The following ZNF600 variants were observed in gnomAD, a reference collection of about 807,000 sequenced individuals.
ZNF600 encodes the protein zinc finger protein 600.
A neutral mutation model predicts 7.3 loss-of-function variants in ZNF600; 4 were observed. That is an observed-to-expected ratio of 0.55 (90% confidence interval 0.27 to 1.25). ZNF600 has a LOEUF of 1.25. Ranked by LOEUF, ZNF600 falls within the 50% of genes most tolerant of loss-of-function variation. The pLI, the probability that ZNF600 is intolerant of heterozygous loss-of-function variation, is 0.12. For missense variants in ZNF600, 911 were observed against 922.1 expected, an observed-to-expected ratio of 0.99 and a Z score of 0.16; for synonymous variants, 290 against 308.9, an observed-to-expected ratio of 0.94 and a Z score of 0.64.
chr19:52,821,945 T>C, the ZNF600 span, among the ~76,000 whole-genome samples: 19,353 of 151,528 alleles, frequency 0.13, 1,590 homozygotes, highest in African/African-American at 0.22. Context: ...AAAAAAAATT[T>C]GCTTGTGCGA....
the ZNF600 span, among the ~76,000 whole-genome samples, chr19:52,816,085 T>A: frequency 6.8e-6 from 1 of 147,208 alleles, no homozygotes; most frequent in Admixed American, 6.8e-5. Flanking sequence ...GGCTCGCCAG[T>A]GAGGCTGGAA....
intron 3 of ZNF600, among the ~76,000 whole-genome samples, chr19:52,768,678 T>C (rs1169534625): frequency 6.6e-6 from 1 of 152,042 alleles, no homozygotes; most frequent in Non-Finnish European, 1.5e-5. Context: ...CCTGAGTACC[T>C]GGGGTTACAG....
chr19:52,816,261 G>A, the ZNF600 span, among the ~76,000 whole-genome samples: 77,766 of 146,336 alleles, frequency 0.53, 25,628 homozygotes, highest in Non-Finnish European at 0.68. Flanking sequence ...GCTTGCACCT[G>A]TAATCCCAAC....
chr19:52,787,294 G>A (rs191715730), upstream of ZNF600, among the ~76,000 whole-genome samples: 205 of 152,300 alleles, frequency 1.3e-3, no homozygotes, highest in Middle Eastern at 0.01. Flanking sequence ...TACTCAGGAA[G>A]CAGCGGCGGG....
the ZNF600 span, chr19:52,800,377 T>C: frequency 1.5e-5 from 24 of 1,614,054 alleles, no homozygotes; most frequent in African/African-American, 2.7e-5. Flanking sequence ...TTCTCTCCAG[T>C]ATGAATCCTC....
rs2869886 is a variant in ZNF600, at chr19:52,786,803, G to T, written c.-228C>A. ...GCGCGCCCAGGACTGAAGCCAGGCC[G>T]GGGCAGGTTGGCTGGACCTGGGCGG... On this transcript the variant is annotated 5_prime_UTR_variant, in exon 1 of 4. Coordinates refer to ENST00000648973, the Ensembl canonical transcript of ZNF600. 44 of 354,188 alleles carry T rather than the reference G, an allele frequency of 1.2e-4. No individual in the cohort carries two copies. The highest frequency in any genetic ancestry group is 8.4e-4 in the Middle Eastern group (2 of 2,386). 21.9% of individuals were successfully genotyped at this position (354,188 alleles called of 1,614,324 possible).
rs747468038 is a variant in ZNF600, at chr19:52,766,206, C to T, written c.1757G>A (p.Arg586His). ...AGGTTTCTCACCACTATGAACTCTG[C>T]GATGGCTTGCAAGGTATGACCTCAG... Residue 586 changes from arginine (R) to histidine (H), a missense_variant, in exon 4 of 4, where the codon CGC becomes CAC. By Grantham distance (29) the Arg-to-His change is conservative (BLOSUM62 0). Coordinates refer to ENST00000648973, the Ensembl canonical transcript of ZNF600. 9.3e-6 allele frequency: 15 copies of T among 1,613,354 alleles called. No individual in the cohort carries two copies. The highest frequency in any genetic ancestry group is 2.7e-5 in the African/African-American group (2 of 74,846).
the ZNF600 span, among the ~76,000 whole-genome samples, chr19:52,814,739 T>C: frequency 0.04 from 5,796 of 145,568 alleles, 514 homozygotes; most frequent in South Asian, 0.11. Context: ...ACCAAAAAAT[T>C]ATCTGGACAT....
At chr19:52,794,528 G>T in the ZNF600 span, among the ~76,000 whole-genome samples, 103 of 152,118 alleles carry the variant, frequency 6.8e-4, no homozygotes, top group Non-Finnish European at 1.2e-3. Context: ...GTCTGGAAGC[G>T]CCAATAGGCT....
the ZNF600 span, among the ~76,000 whole-genome samples, chr19:52,824,152 A>G: frequency 6.6e-6 from 1 of 151,984 alleles, no homozygotes; most frequent in African/African-American, 2.4e-5. Context: ...TCCGTCTCAA[A>G]ACAAAATAAA....
chr19:52,771,151 A>G (rs1406613396), intron 3 of ZNF600, among the ~76,000 whole-genome samples: 2 of 152,028 alleles, frequency 1.3e-5, no homozygotes, highest in Non-Finnish European at 2.9e-5. Context: ...TGTTTTTATA[A>G]AAAGAGACAG....
At chr19:52,812,067 G>A in the ZNF600 span, among the ~76,000 whole-genome samples, 170 of 74,068 alleles carry the variant, frequency 2.3e-3, 12 homozygotes, top group African/African-American at 0.012. Context: ...GGTGAGGGGC[G>A]CCTCTGCCCG....
the ZNF600 span, chr19:52,810,699 C>A: frequency 1.3e-6 from 1 of 795,198 alleles, no homozygotes; most frequent in Non-Finnish European, 2.3e-6. Context: ...CACGGTATTC[C>A]CCTTACTAAA....
chr19:52,767,053 A>T, exon 4 of ZNF600: 1 of 1,614,150 alleles, frequency 6.2e-7, no homozygotes, highest in Non-Finnish European at 8.5e-7. Context: ...CTACGATGGC[A>T]TGTAAGGGAT....
At chr19:52,806,139 CAAAT>C in the ZNF600 span, 6 of 152,098 alleles carry the variant, frequency 3.9e-5, no homozygotes, top group South Asian at 1.2e-3. Context: ...ATAATTCTGA[CAAAT>C]AAAAAAATGT....
chr19:52,805,604 G>A, the ZNF600 span: 1 of 144,036 alleles, frequency 6.9e-6, no homozygotes, highest in Admixed American at 7.0e-5. Context: ...TCCGGCCTGG[G>A]CGACAGAGTG....
chr19:52,829,610 G>A, the ZNF600 span, among the ~76,000 whole-genome samples: 18 of 151,992 alleles, frequency 1.2e-4, no homozygotes, highest in Admixed American at 1.2e-3. Context: ...CTGACCTCAG[G>A]TGATCTGCCC....
At chr19:52,765,589 A>C (rs1430243504) in exon 4 of ZNF600, 1 of 1,613,430 alleles carries the variant, frequency 6.2e-7, no homozygotes, top group Non-Finnish European at 8.5e-7. Context: ...TCATTACATT[A>C]GTCAAGTTTC....
chr19:52,827,630 C>T, the ZNF600 span, among the ~76,000 whole-genome samples: 1 of 151,702 alleles, frequency 6.6e-6, no homozygotes, highest in Non-Finnish European at 1.5e-5. Context: ...CTGCAAGTTC[C>T]GCCTCCCAGG....
Sources: gnomAD v4.1 joint callset for allele counts (sites outside exome capture counted in the v4.1 genomes callset) on GRCh38, gnomAD v4.1.1 for gene constraint, MANE v1.5 for transcripts, NCBI Gene and HGNC (gene_info 2026-07-23, HGNC 2026-07-21) for gene names.